The following HSD17B12 variants were observed in gnomAD, a reference collection of about 807,000 sequenced individuals.
HSD17B12 encodes hydroxysteroid 17-beta dehydrogenase 12, also known as very-long-chain 3-oxoacyl-CoA reductase.
HSD17B12 carries 32 observed loss-of-function variants against 39.3 expected under a neutral mutation model. The ratio of observed to expected loss-of-function variants is 0.81; its 90% CI spans 0.61 to 1.09. HSD17B12 has a LOEUF of 1.09. HSD17B12 is among the 50% of genes least tolerant of loss of function. The pLI, the probability that HSD17B12 is intolerant of heterozygous loss-of-function variation, is 0.00. For synonymous variants in HSD17B12, 150 were observed against 146.7 expected, an observed-to-expected ratio of 1.02 and a Z score of -0.16; for missense variants, 342 against 382.9, an observed-to-expected ratio of 0.89 and a Z score of 0.89.
intron 3 of HSD17B12, among the ~76,000 whole-genome samples, chr11:43,778,985 T>G (rs187977801): frequency 0.012 from 1,814 of 152,340 alleles, 23 homozygotes; most frequent in South Asian, 0.02. Context: ...CTGAAAGCTT[T>G]TTGTGGTATT....
the HSD17B12 span, chr11:43,581,274 C>A: frequency 1.7e-5 from 8 of 458,532 alleles, no homozygotes; most frequent in Non-Finnish European, 3.1e-5. This position sits in a 1 kb window ranked among gnomAD's most constrained non-coding sequence, Gnocchi z 4.9. Flanking sequence ...GCGGGCAGCG[C>A]GCGGAGTGGT....
chr11:43,656,319 C>T, the HSD17B12 span, among the ~76,000 whole-genome samples: 1 of 152,112 alleles, frequency 6.6e-6, no homozygotes, highest in Non-Finnish European at 1.5e-5. Context: ...TGCTAGCGGT[C>T]TATCAATTTT....
chr11:43,564,061 A>G, the HSD17B12 span, among the ~76,000 whole-genome samples: 582 of 152,124 alleles, frequency 3.8e-3, 6 homozygotes, highest in African/African-American at 0.013. Flanking sequence ...TGTCCAGGCT[A>G]TTCTCAAGCT....
At chr11:43,817,474 T>C (rs563992752) in intron 6 of HSD17B12, among the ~76,000 whole-genome samples, 1 of 152,334 alleles carries the variant, frequency 6.6e-6, no homozygotes, top group African/African-American at 2.4e-5. Flanking sequence ...ATTTTTATAG[T>C]TTCAGGTCCT....
At chr11:43,663,526 C>T in the HSD17B12 span, among the ~76,000 whole-genome samples, 2 of 152,128 alleles carry the variant, frequency 1.3e-5, no homozygotes, top group South Asian at 4.1e-4. Flanking sequence ...GCTACCATGA[C>T]CAGCCAATTG....
chr11:43,576,817 G>A, the HSD17B12 span, among the ~76,000 whole-genome samples: 1 of 152,026 alleles, frequency 6.6e-6, no homozygotes, highest in East Asian at 1.9e-4. Flanking sequence ...ACCGAGAGAG[G>A]GAATTCTTGC....
chr11:43,854,887 AAATC>A, intron 10 of HSD17B12, 23 bp downstream of exon 10: 1 of 1,610,734 alleles, frequency 6.2e-7, no homozygotes, highest in Non-Finnish European at 8.5e-7. Flanking sequence ...TTTGAATCAC[AAATC>A]AATACTTTCT....
At chr11:43,602,919 G>A in the HSD17B12 span, among the ~76,000 whole-genome samples, 16 of 152,062 alleles carry the variant, frequency 1.1e-4, no homozygotes, top group Admixed American at 9.8e-4. Flanking sequence ...AGTGTGAAAG[G>A]TCAGGGTTAC....
At chr11:43,690,392 A>ATTTTTT (rs1565049755) in intron 1 of HSD17B12, among the ~76,000 whole-genome samples, 4 of 18,100 alleles carry the variant, frequency 2.2e-4, no homozygotes, top group African/African-American at 3.2e-4. Context: ...ATATATATAT[A>ATTTTTT]TATATATATA....
intron 3 of HSD17B12, among the ~76,000 whole-genome samples, chr11:43,775,060 T>C (rs1014396893): frequency 2.6e-5 from 4 of 152,134 alleles, no homozygotes; most frequent in African/African-American, 9.7e-5. Flanking sequence ...GAAATCCTCA[T>C]ATTTTGACCT....
chr11:43,833,829 C>G (rs1951339295), intron 7 of HSD17B12: 1 of 152,124 alleles, frequency 6.6e-6, no homozygotes, highest in South Asian at 2.1e-4. Context: ...AACTGACTAT[C>G]GCTAAACAAA....
chr11:43,670,927 G>T, the HSD17B12 span, among the ~76,000 whole-genome samples: 1 of 151,762 alleles, frequency 6.6e-6, no homozygotes, highest in African/African-American at 2.4e-5. Flanking sequence ...ATAAAGGAAA[G>T]AACTAGGCAA....
At chr11:43,662,959 T>C in the HSD17B12 span, among the ~76,000 whole-genome samples, 6 of 152,374 alleles carry the variant, frequency 3.9e-5, no homozygotes, top group African/African-American at 1.4e-4. Context: ...AATTCAGAGA[T>C]AGGATTCATC....
intron 3 of HSD17B12, among the ~76,000 whole-genome samples, chr11:43,783,785 A>G (rs1353132848): frequency 2.6e-5 from 4 of 151,588 alleles, no homozygotes; most frequent in Non-Finnish European, 4.4e-5. Flanking sequence ...ATAGGATACC[A>G]CTATCAATGT....
intron 6 of HSD17B12, among the ~76,000 whole-genome samples, chr11:43,826,335 G>A (rs888100651): frequency 4.6e-5 from 7 of 151,844 alleles, no homozygotes; most frequent in South Asian, 2.1e-4. Context: ...TGCCCGCCTC[G>A]ACCTCCCAAA....
chr11:43,590,279 C>T, the HSD17B12 span, among the ~76,000 whole-genome samples: 9 of 151,536 alleles, frequency 5.9e-5, no homozygotes, highest in Non-Finnish European at 1.2e-4. Flanking sequence ...AAGGGGAACT[C>T]GCTCAAGGGT....
At chr11:43,665,954 A>T in the HSD17B12 span, among the ~76,000 whole-genome samples, 1 of 152,192 alleles carries the variant, frequency 6.6e-6, no homozygotes, top group South Asian at 2.1e-4. Context: ...TGGGAATGAG[A>T]AGTAGATGGA....
the HSD17B12 span, among the ~76,000 whole-genome samples, chr11:43,669,701 T>C: frequency 2.0e-5 from 3 of 152,146 alleles, no homozygotes; most frequent in East Asian, 5.8e-4. Flanking sequence ...TCTGCTTCCA[T>C]TGTCTCTCCC....
At chr11:43,569,231 C>A in the HSD17B12 span, 1 of 152,230 alleles carries the variant, frequency 6.6e-6, no homozygotes, top group Non-Finnish European at 1.5e-5. Flanking sequence ...CAGCTCCCCA[C>A]TCCTGACTTG....
Sources: allele counts gnomAD v4.1 joint callset (sites outside exome capture counted in the v4.1 genomes callset), GRCh38; gene constraint gnomAD v4.1.1; non-coding constraint Gnocchi (gnomAD v3.1); transcripts MANE v1.5; gene names NCBI Gene and HGNC (gene_info 2026-07-23, HGNC 2026-07-21).